The following PACSIN2 variants were observed in gnomAD, a reference collection of about 807,000 sequenced individuals.
PACSIN2 encodes protein kinase C and casein kinase substrate in neurons 2.
In PACSIN2, 25 loss-of-function variants were observed where a neutral mutation model predicts 63.8. The ratio of observed to expected loss-of-function variants is 0.39; its 90% CI spans 0.29 to 0.55. PACSIN2 has a LOEUF of 0.55. Among genes scored for constraint, PACSIN2 ranks in the 20% least tolerant of loss-of-function variants. The pLI, the probability that PACSIN2 is intolerant of heterozygous loss-of-function variation, is 0.62. For synonymous variants in PACSIN2, 255 were observed against 256.2 expected, an observed-to-expected ratio of 1.00 and a Z score of 0.05; for missense variants, 518 against 646.9, an observed-to-expected ratio of 0.80 and a Z score of 2.16.
intron 1 of PACSIN2, among the ~76,000 whole-genome samples, chr22:42,943,019 C>T (rs1348515126): frequency 6.6e-6 from 1 of 152,146 alleles, no homozygotes; most frequent in Non-Finnish European, 1.5e-5. Context: ...GTCTTCCAGT[C>T]CATGGATGTA....
intron 1 of PACSIN2, among the ~76,000 whole-genome samples, chr22:42,995,205 TGCACCCTG>T (rs1181687919): frequency 3.3e-5 from 5 of 152,272 alleles, no homozygotes; most frequent in African/African-American, 1.2e-4. Context: ...GCAGAGAAAC[TGCACCCTG>T]GCATTCAGTC....
At chr22:42,962,778 G>T (rs868307008) in intron 1 of PACSIN2, among the ~76,000 whole-genome samples, 11 of 116,396 alleles carry the variant, frequency 9.5e-5, no homozygotes, top group South Asian at 3.2e-4. Flanking sequence ...GTGTGGGCGG[G>T]GGGGGGGGGC....
intron 8 of PACSIN2, among the ~76,000 whole-genome samples, chr22:42,877,264 A>C (rs1240162547): frequency 2.6e-5 from 4 of 152,166 alleles, no homozygotes; most frequent in African/African-American, 9.7e-5. Flanking sequence ...CGTCCAGAAC[A>C]GGGGCCCTGG....
At chr22:42,911,982 C>T (rs1029509058) in intron 2 of PACSIN2, 39 bp downstream of exon 2, 3 of 1,516,248 alleles carry the variant, frequency 2.0e-6, no homozygotes, top group Non-Finnish European at 2.7e-6. Context: ...CACTATTGGC[C>T]TGGCCACTTC....
In PACSIN2 at chr22:42,926,068, A is replaced by G. The variant is rs1932514819; in HGVS notation, c.-77-13911T>C. Reference sequence around the variant, plus strand: ...ATTAGCAAAGCTGGGATGTTTTTTAAGAGCTCAACTACCTGGCACAACTCA... The same window carrying G: ...ATTAGCAAAGCTGGGATGTTTTTTAGGAGCTCAACTACCTGGCACAACTCA... On this transcript the variant is annotated intron_variant, in intron 1 of 10. Transcript: ENST00000263246. Among the ~76,000 whole-genome samples, 3 of 152,234 alleles carry G rather than the reference A, an allele frequency of 2.0e-5. No homozygotes were observed. The South Asian group carries it at 6.2e-4, about 31-fold the overall frequency.
intron 4 of PACSIN2, 55 bp from the exon 5 acceptor site, chr22:42,888,853 C>G (rs1025632704): frequency 6.4e-7 from 1 of 1,569,068 alleles, no homozygotes. Context: ...AGGATCCTCA[C>G]TAGAAGTCAC....
chr22:43,006,875 C>T (rs1030504880), intron 1 of PACSIN2, among the ~76,000 whole-genome samples: 6 of 152,270 alleles, frequency 3.9e-5, no homozygotes, highest in African/African-American at 1.4e-4. Context: ...CAACCAAACA[C>T]GTAAATGCAG....
chr22:43,011,527 G>A (rs1271833563), intron 1 of PACSIN2, among the ~76,000 whole-genome samples: 1 of 152,150 alleles, frequency 6.6e-6, no homozygotes, highest in Non-Finnish European at 1.5e-5. Flanking sequence ...CACAACATCC[G>A]GAATCATCCA....
intron 1 of PACSIN2, among the ~76,000 whole-genome samples, chr22:42,991,936 T>C (rs942651768): frequency 6.6e-6 from 1 of 151,918 alleles, no homozygotes; most frequent in East Asian, 1.9e-4. Context: ...TGAGAAAACA[T>C]TTGTGACCTG....
In PACSIN2 at chr22:42,908,457, C is replaced by T. The variant is rs1158877020; in HGVS notation, c.60+3564G>A. Reference sequence around the variant, plus strand: ...CCCAGGCCCTTTGGACACCAGCTCCCAGAACCAAAGAGAAGGCCTGGAAGC... The same window carrying T: ...CCCAGGCCCTTTGGACACCAGCTCCTAGAACCAAAGAGAAGGCCTGGAAGC... On this transcript the variant is annotated intron_variant, in intron 2 of 10. Coordinates refer to ENST00000263246, the MANE Select transcript of PACSIN2 (RefSeq NM_001184970.3). Among the ~76,000 whole-genome samples the T allele has an allele frequency of 3.3e-5, 5 of 152,354 alleles. No individual in the cohort carries two copies. In the East Asian group the frequency reaches 5.8e-4, roughly 18 times the overall value.
rs527697027 is a variant in PACSIN2 at position 42,892,393 on chromosome 22, C to T, written c.217+1064G>A. Among the ~76,000 whole-genome samples the T allele has an allele frequency of 4.6e-5, 7 of 152,238 alleles. No homozygotes were observed. The East Asian group carries it at 1.2e-3, about 25-fold the overall frequency. On this transcript the variant is annotated intron_variant, in intron 3 of 10. Coordinates refer to ENST00000263246, the MANE Select transcript of PACSIN2 (RefSeq NM_001184970.3). ...GCTTGGAGACAACAGAGAACAGCCC[C>T]GGAAGTTGGACCTCTCTGTGCCTTC...
At chr22:42,898,647 A>G (rs560494969) in intron 2 of PACSIN2, among the ~76,000 whole-genome samples, 3 of 152,064 alleles carry the variant, frequency 2.0e-5, no homozygotes, top group African/African-American at 7.2e-5. Flanking sequence ...CACATCCCTC[A>G]CAATCAAGCT....
chr22:42,953,969 AAAGGCATGAGG>A (rs1439480944), intron 1 of PACSIN2, among the ~76,000 whole-genome samples: 1 of 152,202 alleles, frequency 6.6e-6, no homozygotes, highest in Non-Finnish European at 1.5e-5. Context: ...ACAAAGGTTA[AAAGGCATGAGG>A]CTGGGTGCGG....
chr22:43,013,271 T>C (rs1924622920), intron 1 of PACSIN2, among the ~76,000 whole-genome samples: 1 of 152,256 alleles, frequency 6.6e-6, no homozygotes, highest in Non-Finnish European at 1.5e-5. Context: ...CTCTGTGTTA[T>C]GTTACTTTCC....
intron 1 of PACSIN2, among the ~76,000 whole-genome samples, chr22:42,916,919 G>A (rs5759032): frequency 0.36 from 54,147 of 152,012 alleles, 10,778 homozygotes; most frequent in Non-Finnish European, 0.45. Flanking sequence ...GACTGGGGCT[G>A]GGTTTGATTT....
At chr22:42,902,541 C>T (rs1235180107) in intron 2 of PACSIN2, among the ~76,000 whole-genome samples, 3 of 152,172 alleles carry the variant, frequency 2.0e-5, no homozygotes, top group African/African-American at 7.2e-5. Flanking sequence ...AAGGAAGGGA[C>T]TGAGAAGTCG....
chr22:43,007,758 C>A (rs954864360), intron 1 of PACSIN2, among the ~76,000 whole-genome samples: 1 of 152,228 alleles, frequency 6.6e-6, no homozygotes, highest in African/African-American at 2.4e-5. Context: ...CTATACTGAG[C>A]TGCCTTTACA....
chr22:42,934,148 A>G (rs1017376461), intron 1 of PACSIN2, among the ~76,000 whole-genome samples: 1 of 152,256 alleles, frequency 6.6e-6, no homozygotes, highest in African/African-American at 2.4e-5. Context: ...GTTGATCTGA[A>G]TAACAACTTA....
chr22:42,985,867 TC>T (rs1388360034), intron 1 of PACSIN2, among the ~76,000 whole-genome samples: 4 of 152,140 alleles, frequency 2.6e-5, no homozygotes, highest in Admixed American at 1.3e-4. Context: ...GAAGTGATTC[TC>T]CACCCTCCCA....
Sources: allele counts gnomAD v4.1 joint callset (sites outside exome capture counted in the v4.1 genomes callset), GRCh38; gene constraint gnomAD v4.1.1; transcripts MANE v1.5; gene names NCBI Gene and HGNC (gene_info 2026-07-23, HGNC 2026-07-21).